The following CCDC141 variants were observed in gnomAD, a reference collection of about 807,000 sequenced individuals.
CCDC141 encodes the protein coiled-coil domain containing 141, also known as coiled-coil domain-containing protein 141.
CCDC141 carries 168 observed loss-of-function variants against 181.0 expected under a neutral mutation model. The ratio of observed to expected loss-of-function variants is 0.93; its 90% CI spans 0.82 to 1.05. The LOEUF is 1.05. Among genes scored for constraint, CCDC141 ranks in the 50% least tolerant of loss-of-function variants. CCDC141 has a pLI of 0.00. For synonymous variants in CCDC141, 666 were observed against 642.3 expected (o/e 1.04, Z -0.56); for missense variants, 1,902 against 1,788.5 (o/e 1.06, Z -1.14).
intron 23 of CCDC141, chr2:178,835,881 TGCACTAATATA>T (rs1266391889): frequency 6.6e-6 from 1 of 152,626 alleles, no homozygotes; most frequent in African/African-American, 2.4e-5. Flanking sequence ...CAAAAGTGAC[TGCACTAATATA>T]GCACAAGTGC....
At chr2:178,907,839 A>T (rs1688042358) in intron 7 of CCDC141, among the ~76,000 whole-genome samples, 1 of 147,436 alleles carries the variant, frequency 6.8e-6, no homozygotes, top group South Asian at 2.1e-4. Flanking sequence ...ACTAAAAATT[A>T]AAAAAAAAAA....
intron 6 of CCDC141, among the ~76,000 whole-genome samples, chr2:178,931,767 T>A (rs1158168552): frequency 1.3e-5 from 2 of 152,176 alleles, no homozygotes; most frequent in African/African-American, 4.8e-5. Context: ...ACTGTGAATT[T>A]ACTAAATGTC....
intron 2 of CCDC141, among the ~76,000 whole-genome samples, chr2:178,993,290 AG>A (rs1692140663): frequency 6.6e-6 from 1 of 152,322 alleles, no homozygotes; most frequent in Middle Eastern, 3.4e-3. Flanking sequence ...GAATTTACAA[AG>A]GAAAGAGGTT....
intron 7 of CCDC141, among the ~76,000 whole-genome samples, chr2:178,909,434 T>G (rs1010219970): frequency 6.6e-6 from 1 of 152,216 alleles, no homozygotes; most frequent in South Asian, 2.1e-4. Flanking sequence ...ATTGGTACGA[T>G]GGGCTGGATA....
chr2:178,837,906 C>T (rs529965055), intron 22 of CCDC141, among the ~76,000 whole-genome samples, 162 bp from the exon 23 acceptor site: 4 of 152,290 alleles, frequency 2.6e-5, no homozygotes, highest in South Asian at 4.1e-4. Flanking sequence ...ATTTGTCTGT[C>T]GATCCTGAGC....
In CCDC141 at chr2:178,831,576, C is replaced by A. The variant is rs539686347; in HGVS notation, c.*2597G>T. The A allele has an allele frequency of 2.6e-5, 4 of 152,242 alleles. No homozygotes were observed. The South Asian group carries it at 6.2e-4, about 24-fold the overall frequency. The allele number at this position is 152,242 out of a possible 1,614,324, so 9.4% of individuals were successfully genotyped here. A position where few individuals can be genotyped will look rare whatever the true frequency, so the allele number is the denominator to read the frequency against. On this transcript the variant is annotated 3_prime_UTR_variant, in exon 24 of 24. Coordinates refer to ENST00000443758, the MANE Select transcript of CCDC141 (RefSeq NM_173648.4). ...TGTATATACCTTAAAATAGAAACAA[C>A]ACTTAAATTTCCTAGGTCTTACATT...
At chr2:179,025,851 C>T (rs1251630705) in intron 2 of CCDC141, among the ~76,000 whole-genome samples, 1 of 152,050 alleles carries the variant, frequency 6.6e-6, no homozygotes, top group South Asian at 2.1e-4. Flanking sequence ...GAGGTGGTCT[C>T]AAATGGAAAT....
chr2:178,855,836 ACT>A (rs1280448346), intron 18 of CCDC141, among the ~76,000 whole-genome samples: 3 of 152,236 alleles, frequency 2.0e-5, no homozygotes, highest in African/African-American at 7.2e-5. Flanking sequence ...CAATAAGCTC[ACT>A]GTCTCCTGGA....
At chr2:179,022,109 T>C (rs959978891) in intron 2 of CCDC141, among the ~76,000 whole-genome samples, 1 of 152,170 alleles carries the variant, frequency 6.6e-6, no homozygotes, top group Non-Finnish European at 1.5e-5. Flanking sequence ...TACAGGTGTA[T>C]GGACCAAATA....
At chr2:178,842,751 G>A (rs1684778599) in intron 22 of CCDC141, among the ~76,000 whole-genome samples, 1 of 152,220 alleles carries the variant, frequency 6.6e-6, no homozygotes, top group African/African-American at 2.4e-5. Context: ...ATTAAGCATA[G>A]GACTTGGTCT....
intron 4 of CCDC141, among the ~76,000 whole-genome samples, chr2:178,972,658 A>G (rs1690945967): frequency 6.6e-6 from 1 of 152,206 alleles, no homozygotes. Context: ...GCCAGTAAGT[A>G]ATCCGGAAAC....
At chr2:178,867,073 C>T (rs1207339788) in intron 16 of CCDC141, among the ~76,000 whole-genome samples, 2 of 152,152 alleles carry the variant, frequency 1.3e-5, no homozygotes, top group African/African-American at 4.8e-5. Flanking sequence ...GGGAATATTT[C>T]CTTCTCTTTT....
At chr2:178,856,496 A>C in intron 17 of CCDC141, 99 bp from the exon 18 acceptor site, 1 of 865,522 alleles carries the variant, frequency 1.2e-6, no homozygotes, top group Non-Finnish European at 1.7e-6. Context: ...AATACTCATA[A>C]TCTTAAAAAG....
intron 2 of CCDC141, among the ~76,000 whole-genome samples, chr2:178,985,694 C>A (rs1023596001): frequency 1.3e-5 from 2 of 152,100 alleles, no homozygotes; most frequent in Non-Finnish European, 2.9e-5. Context: ...AACACCACTA[C>A]GCAAATAAAC....
At chr2:179,023,899 T>A (rs974309982) in intron 2 of CCDC141, among the ~76,000 whole-genome samples, 2 of 152,188 alleles carry the variant, frequency 1.3e-5, no homozygotes, top group Admixed American at 1.3e-4. Flanking sequence ...AAATACTTCA[T>A]AAACCATGCT....
intron 21 of CCDC141, among the ~76,000 whole-genome samples, chr2:178,848,046 C>A (rs1157660745): frequency 6.6e-6 from 1 of 152,120 alleles, no homozygotes; most frequent in Non-Finnish European, 1.5e-5. Context: ...GGCATAGCAG[C>A]CAGGATGGAC....
At position 178,917,468 on chromosome 2, in the gene CCDC141, C is replaced by T. The variant is rs148133467; in HGVS notation, c.1092+1245G>A. On this transcript the variant is annotated intron_variant, in intron 7 of 23. Transcript: ENST00000443758. ...TTAGTAAAGAAGTTCAAAATTAAGT[C>T]ACTATTTTGATATACACCAGGACAT... 6.6e-4 allele frequency among the ~76,000 whole-genome samples: 101 copies of T among 152,120 alleles called. 2 individuals carry two copies. Among genetic ancestry groups the T allele is most frequent in the African/African-American group, 2.3e-3 (94 of 41,492 alleles).
chr2:178,947,602 T>C (rs1689785070), intron 5 of CCDC141, among the ~76,000 whole-genome samples: 1 of 152,064 alleles, frequency 6.6e-6, no homozygotes, highest in Admixed American at 6.6e-5. Context: ...GATCTTTGTG[T>C]GTGGTGTGTG....
At chr2:179,029,562 A>G (rs1243556596) in intron 2 of CCDC141, among the ~76,000 whole-genome samples, 2 of 152,168 alleles carry the variant, frequency 1.3e-5, no homozygotes, top group African/African-American at 2.4e-5. Flanking sequence ...CATATCCACA[A>G]TCCTTTGTGT....
Sources: allele counts gnomAD v4.1 joint callset (sites outside exome capture counted in the v4.1 genomes callset), GRCh38; gene constraint gnomAD v4.1.1; transcripts MANE v1.5; gene names NCBI Gene and HGNC (gene_info 2026-07-23, HGNC 2026-07-21).